The following ZNF140 variants were observed in gnomAD, a reference collection of about 807,000 sequenced individuals.
ZNF140 encodes the protein zinc finger protein 140.
In ZNF140, 13 loss-of-function variants were observed where a neutral mutation model predicts 12.9. The observed-to-expected ratio is 1.01, with a 90% CI of 0.66 to 1.60. The LOEUF (loss-of-function observed/expected upper bound fraction) is 1.60. Ranked by LOEUF, ZNF140 falls within the 40% of genes most tolerant of loss-of-function variation. The pLI is 0.00. For synonymous variants in ZNF140, 214 were observed against 186.7 expected, an observed-to-expected ratio of 1.15 and a Z score of -1.19; for missense variants, 531 against 548.8, an observed-to-expected ratio of 0.97 and a Z score of 0.32.
chr12:133,093,139 A>C (rs1954949569), intron 4 of ZNF140, among the ~76,000 whole-genome samples: 1 of 151,222 alleles, frequency 6.6e-6, no homozygotes, highest in Non-Finnish European at 1.5e-5. Flanking sequence ...AATGATACCC[A>C]ATGGAAATGT....
At chr12:133,086,537 A>G (rs992991912) in intron 4 of ZNF140, among the ~76,000 whole-genome samples, 6 of 152,164 alleles carry the variant, frequency 3.9e-5, no homozygotes, top group Non-Finnish European at 8.8e-5. Flanking sequence ...GAAGTTATAT[A>G]TTTTAGATAG....
At chr12:133,092,974 A>T (rs1217850874) in intron 4 of ZNF140, among the ~76,000 whole-genome samples, 1 of 151,170 alleles carries the variant, frequency 6.6e-6, no homozygotes, top group Non-Finnish European at 1.5e-5. Flanking sequence ...GATAGGAAGA[A>T]TCCTGTAAAT....
Position 133,081,040 on chromosome 12 carries a change from C to T in ZNF140, c.-81C>T. The T allele has an allele frequency of 5.0e-6, 1 of 201,694 alleles. No individual in the cohort carries two copies. Among genetic ancestry groups the T allele is most frequent in the Non-Finnish European group, 1.1e-5 (1 of 94,912 alleles). The allele number at this position is 201,694 out of a possible 1,614,324, so 12.5% of individuals were successfully genotyped here. On this transcript the variant is annotated 5_prime_UTR_variant, in exon 1 of 5. Coordinates refer to ENST00000355557, the MANE Select transcript of ZNF140 (RefSeq NM_003440.4). ...GCTACGCCCACCTGGCGGAAAGCAC[C>T]ACGGAAACGCATCCTTCTGTGGCCA...
intron 4 of ZNF140, among the ~76,000 whole-genome samples, chr12:133,104,821 TAGGTTAA>T (rs1955524253): frequency 6.6e-6 from 1 of 152,204 alleles, no homozygotes; most frequent in African/African-American, 2.4e-5. Flanking sequence ...ACTTTCATTT[TAGGTTAA>T]AGGTTACTCA....
At chr12:133,082,177 A>C (rs948248579) in intron 2 of ZNF140, 3 of 152,230 alleles carry the variant, frequency 2.0e-5, no homozygotes, top group African/African-American at 7.2e-5. Flanking sequence ...CCCTCATTTC[A>C]GTTCCACTTC....
In ZNF140 at chr12:133,083,509, A is replaced by C; in HGVS notation, c.180A>C (p.Gln60His). The change falls in exon 4 of 5, where the codon CAA (glutamine) becomes CAC (histidine). Residue 60 changes from glutamine to histidine, a missense_variant. Physicochemically the swap from Gln to His is conservative, Grantham distance 24. Transcript: ENST00000355557. The stretch of plus-strand genomic sequence containing the variant: ...CAGATGTGGTTTCCTTATTGGAGCA[A>C]GGGAAAGAACCCTGGCTGGGGAAAA... ...SKPDVVSLLE[Q>H]GKEPWLGKRE... The C allele has an allele frequency of 6.2e-7, 1 of 1,614,076 alleles. No individual in the cohort carries two copies. Among genetic ancestry groups the C allele is most frequent in the Non-Finnish European group, 8.5e-7 (1 of 1,179,974 alleles).
intron 4 of ZNF140, chr12:133,101,067 C>A: frequency 2.5e-6 from 1 of 404,472 alleles, no homozygotes; most frequent in Non-Finnish European, 4.8e-6. Flanking sequence ...AGGTTTTTTT[C>A]CTTTGACTTC....
chr12:133,091,578 C>T (rs1164810109), intron 4 of ZNF140, among the ~76,000 whole-genome samples: 1 of 150,584 alleles, frequency 6.6e-6, no homozygotes, highest in South Asian at 2.1e-4. Flanking sequence ...AAACCGCCAT[C>T]GTCATCATGA....
At chr12:133,091,528 CTCTT>C (rs1189331597) in intron 4 of ZNF140, among the ~76,000 whole-genome samples, 5 of 150,678 alleles carry the variant, frequency 3.3e-5, no homozygotes, top group African/African-American at 1.2e-4. Flanking sequence ...AGTCTGATCT[CTCTT>C]TCTTTTCCCT....
At chr12:133,081,766 C>T (rs1372268272) in intron 2 of ZNF140, 1 of 290,130 alleles carries the variant, frequency 3.4e-6, no homozygotes, top group African/African-American at 2.3e-5. Flanking sequence ...ATGAGGAGTG[C>T]TTTACGTTAC....
At chr12:133,100,667 C>T (rs1478415229) in intron 4 of ZNF140, among the ~76,000 whole-genome samples, 1 of 152,178 alleles carries the variant, frequency 6.6e-6, no homozygotes, top group South Asian at 2.1e-4. Context: ...TTCACATTTT[C>T]CCATTAAGGA....
At chr12:133,094,810 G>C (rs1269223588) in intron 4 of ZNF140, among the ~76,000 whole-genome samples, 3 of 151,114 alleles carry the variant, frequency 2.0e-5, no homozygotes, top group Non-Finnish European at 2.9e-5. Context: ...TGGCCATCGT[G>C]CTTTTAACCC....
rs762262215 is a variant in ZNF140 at position 133,106,345 on chromosome 12, C to T, written c.1068C>T (p.Leu356=). 5 of 1,614,026 alleles carry T rather than the reference C, an allele frequency of 3.1e-6. No individual in the cohort carries two copies. In the South Asian group the frequency reaches 5.5e-5, roughly 18 times the overall value. Residue 356 remains leucine (L), a synonymous_variant, in exon 5 of 5, where the codon CTC becomes CTT. Transcript: ENST00000355557. The part of the protein sequence containing the change: ...KHQRIHAGEK[L]YECDECGKVF... ...AGAGAATTCATGCTGGAGAAAAGCTCTATGAATGTGATGAATGTGGTAAAG... is the reference window on the plus strand; with the variant it reads ...AGAGAATTCATGCTGGAGAAAAGCTTTATGAATGTGATGAATGTGGTAAAG...
chr12:133,092,331 G>A (rs1005015956), intron 4 of ZNF140, among the ~76,000 whole-genome samples: 5 of 151,042 alleles, frequency 3.3e-5, no homozygotes, highest in Non-Finnish European at 5.9e-5. Context: ...AACAGAATAC[G>A]ATGCTGCCAA....
chr12:133,085,026 C>CTT (rs1299621365), intron 4 of ZNF140, among the ~76,000 whole-genome samples: 4 of 145,558 alleles, frequency 2.7e-5, no homozygotes, highest in Non-Finnish European at 3.0e-5. Flanking sequence ...AATTCTACTA[C>CTT]TTTTTTTTTT....
At chr12:133,083,680 C>A (rs1437467872) in intron 4 of ZNF140, 119 bp downstream of exon 4, 5 of 939,370 alleles carry the variant, frequency 5.3e-6, no homozygotes, top group Non-Finnish European at 8.0e-6. Flanking sequence ...TAGAGATACG[C>A]TAGGCACGGT....
Position 133,083,170 on chromosome 12 carries a change from CTCA to C in ZNF140, c.78_80del (p.Gln27del). The C allele has an allele frequency of 6.2e-7, 1 of 1,614,226 alleles. No homozygotes were observed. The highest frequency in any genetic ancestry group is 1.1e-5 in the South Asian group (1 of 91,082). On this transcript the variant is annotated inframe_deletion, in exon 3 of 5. Transcript: ENST00000355557. ...GAGGAGTGGAAATGGCTTCAGCCTG[CTCA>C]AAGAGATTTGTACAGATGTGTAATG...
chr12:133,103,446 G>T (rs79918814), intron 4 of ZNF140, among the ~76,000 whole-genome samples: 102 of 115,398 alleles, frequency 8.8e-4, no homozygotes, highest in African/African-American at 2.6e-3. Context: ...TTTTTTTTTT[G>T]GGTAAAGACA....
intron 3 of ZNF140, 101 bp downstream of exon 3, chr12:133,083,330 T>TA (rs1285998453): frequency 6.6e-7 from 1 of 1,506,682 alleles, no homozygotes; most frequent in African/African-American, 1.4e-5. Context: ...TGGGGTTTCT[T>TA]AAAATTAGTT....
Sources: gnomAD v4.1 joint callset for allele counts (sites outside exome capture counted in the v4.1 genomes callset) on GRCh38, gnomAD v4.1.1 for gene constraint, MANE v1.5 for transcripts, NCBI Gene and HGNC (gene_info 2026-07-23, HGNC 2026-07-21) for gene names.